Variants in ST8SIA5 observed in about 807,000 individuals in gnomAD.
ST8SIA5 encodes the protein ST8 alpha-N-acetyl-neuraminide alpha-2,8-sialyltransferase 5.
Under a neutral mutation model 40.2 loss-of-function variants are expected in ST8SIA5, and 24 were observed. The observed-to-expected ratio is 0.60, with a 90% CI of 0.43 to 0.84. The LOEUF (loss-of-function observed/expected upper bound fraction) is 0.84, where lower values mean the gene tolerates loss of function less well. ST8SIA5 is among the 40% of genes least tolerant of loss of function. The probability of loss-of-function intolerance (pLI) is 0.00; values close to 1 mark genes in which losing one functional copy is unlikely to be tolerated. For synonymous variants in ST8SIA5, 198 were observed against 201.8 expected, an observed-to-expected ratio of 0.98 and a Z score of 0.16; for missense variants, 465 against 498.5, an observed-to-expected ratio of 0.93 and a Z score of 0.64.
intron 1 of ST8SIA5, among the ~76,000 whole-genome samples, chr18:46,732,955 C>T (rs1193571328): frequency 1.3e-5 from 2 of 152,162 alleles, no homozygotes; most frequent in South Asian, 2.1e-4. Flanking sequence ...AGCTTGAGAT[C>T]GCTCTGTCCA....
At chr18:46,754,309 A>C (rs2040221650) in intron 1 of ST8SIA5, among the ~76,000 whole-genome samples, 2 of 151,910 alleles carry the variant, frequency 1.3e-5, no homozygotes, top group African/African-American at 4.8e-5. Flanking sequence ...CCCACCCTCA[A>C]ATCTTACCCT....
rs896726098 is a variant in ST8SIA5 at position 46,672,448 on chromosome 18, CAG to C, written c.*7592_*7593del. 5 of 152,126 alleles carry C rather than the reference CAG, an allele frequency of 3.3e-5. No homozygotes were observed. Among genetic ancestry groups the C allele is most frequent in the Non-Finnish European group, 7.4e-5 (5 of 68,020 alleles). The allele number at this position is 152,126 out of a possible 1,614,324, so 9.4% of individuals were successfully genotyped here. A position where few individuals can be genotyped will look rare whatever the true frequency, so the allele number is the denominator to read the frequency against. On this transcript the variant is annotated 3_prime_UTR_variant, in exon 7 of 7. Transcript: ENST00000315087. The stretch of plus-strand genomic sequence containing the variant: ...TTGCAAATGGCAATTCTAGAGAAAA[CAG>C]AACTTTTACCCCAAAGCTGAGCAGA...
intron 1 of ST8SIA5, among the ~76,000 whole-genome samples, chr18:46,736,216 C>T (rs575393735): frequency 1.2e-4 from 18 of 152,286 alleles, no homozygotes; most frequent in African/African-American, 3.4e-4. Context: ...GACAGCATGT[C>T]TCAACTCAGA....
At chr18:46,701,330 AG>A (rs2039614049) in intron 2 of ST8SIA5, among the ~76,000 whole-genome samples, 1 of 151,744 alleles carries the variant, frequency 6.6e-6, no homozygotes, top group Non-Finnish European at 1.5e-5. Flanking sequence ...TAGTAGAGAC[AG>A]GGTTTCACCA....
At chr18:46,739,482 T>A (rs2040067519) in intron 1 of ST8SIA5, among the ~76,000 whole-genome samples, 1 of 152,094 alleles carries the variant, frequency 6.6e-6, no homozygotes, top group African/African-American at 2.4e-5. Context: ...TGCAGTGAGC[T>A]GAGATAGCGC....
rs934511424 is a variant in ST8SIA5 at position 46,673,746 on chromosome 18, C to G, written c.*6296G>C. On this transcript the variant is annotated 3_prime_UTR_variant, in exon 7 of 7. Transcript: ENST00000315087. ...TCACACTGTAGATCTATCCAGTCTACCCTTTGAAGATCACACTGGTTTATT... is the reference window on the plus strand; with the variant it reads ...TCACACTGTAGATCTATCCAGTCTAGCCTTTGAAGATCACACTGGTTTATT... 5.3e-5 allele frequency: 8 copies of G among 152,094 alleles called. No individual in the cohort carries two copies. The highest frequency in any genetic ancestry group is 1.9e-4 in the African/African-American group (8 of 41,404). 9.4% of individuals were successfully genotyped at this position (152,094 alleles called of 1,614,324 possible). A position where few individuals can be genotyped will look rare whatever the true frequency, so the allele number is the denominator to read the frequency against.
intron 1 of ST8SIA5, among the ~76,000 whole-genome samples, chr18:46,724,350 C>G (rs1667198040): frequency 1.3e-5 from 2 of 152,236 alleles, no homozygotes; most frequent in Non-Finnish European, 2.9e-5. Flanking sequence ...AGACCCTGTT[C>G]TCATACTCTC....
chr18:46,679,435 G>C lies in ST8SIA5; in HGVS notation c.*607C>G, dbSNP rs780867783. The C allele has an allele frequency of 1.3e-5, 2 of 152,678 alleles. No individual in the cohort carries two copies. Among genetic ancestry groups the C allele is most frequent in the African/African-American group, 2.4e-5 (1 of 41,354 alleles). The allele number at this position is 152,678 out of a possible 1,614,324, so 9.5% of individuals were successfully genotyped here. A position where few individuals can be genotyped will look rare whatever the true frequency, so the allele number is the denominator to read the frequency against. ...TCTCGGTGTCACAGAAGAACCTGTC[G>C]GGTGGTGTGGCTTGGCTGTTAAGTC... On this transcript the variant is annotated 3_prime_UTR_variant, in exon 7 of 7. Transcript: ENST00000315087.
intron 5 of ST8SIA5, among the ~76,000 whole-genome samples, chr18:46,684,577 G>T (rs2039427571): frequency 6.6e-6 from 1 of 152,096 alleles, no homozygotes; most frequent in African/African-American, 2.4e-5. Flanking sequence ...CTCAAACCAG[G>T]CTCCCCAGCT....
At chr18:46,705,250 GGTC>G (rs1381867112) in intron 1 of ST8SIA5, among the ~76,000 whole-genome samples, 3 of 152,132 alleles carry the variant, frequency 2.0e-5, no homozygotes, top group Non-Finnish European at 4.4e-5. Context: ...GCTTGGTCTA[GGTC>G]TACTTGCAGA....
chr18:46,750,399 A>T (rs968671175), intron 1 of ST8SIA5, among the ~76,000 whole-genome samples: 1 of 152,170 alleles, frequency 6.6e-6, no homozygotes, highest in African/African-American at 2.4e-5. Flanking sequence ...TGGGGGACTT[A>T]AAAGAAGACG....
In ST8SIA5 at chr18:46,667,901, G is replaced by C. The variant is rs1305450195; in HGVS notation, c.*12141C>G. 1 of 152,190 alleles carries C rather than the reference G, an allele frequency of 6.6e-6. No individual in the cohort carries two copies. Among genetic ancestry groups the C allele is most frequent in the Non-Finnish European group, 1.5e-5 (1 of 68,034 alleles). 9.4% of individuals were successfully genotyped at this position (152,190 alleles called of 1,614,324 possible). ...AGTGACAGATACAAAGTACCCTGAT[G>C]ATGTTTTTAGGCATAGCATCACAGT... On this transcript the variant is annotated 3_prime_UTR_variant, in exon 7 of 7. Coordinates refer to ENST00000315087, the MANE Select transcript of ST8SIA5 (RefSeq NM_013305.6).
rs767476608 is a variant in ST8SIA5 at position 46,688,855 on chromosome 18, G to T, written c.376C>A (p.Leu126Met). ...FLFTTQKNTPLGTKLKYEVDT... is the reference protein window; with the variant it reads ...FLFTTQKNTPMGTKLKYEVDT... The stretch of plus-strand genomic sequence containing the variant: ...ACCTCATACTTGAGCTTTGTCCCCA[G>T]GGGAGTGTTCTTCTGGGTGGTGAAG... Residue 126 changes from leucine to methionine, a missense_variant, in exon 4 of 7, where the codon CTG (leucine) becomes ATG (methionine). Leu to Met is a conservative substitution (Grantham distance 15). Transcript: ENST00000315087. The T allele has an allele frequency of 1.2e-6, 2 of 1,614,154 alleles. No homozygotes were observed. Among genetic ancestry groups the T allele is most frequent in the African/African-American group, 1.3e-5 (1 of 75,060 alleles).
intron 1 of ST8SIA5, among the ~76,000 whole-genome samples, chr18:46,743,859 G>A (rs762041296): frequency 1.7e-4 from 26 of 152,304 alleles, no homozygotes; most frequent in Non-Finnish European, 2.4e-4. Context: ...AACTAACAGC[G>A]GATCTCTCAG....
At chr18:46,755,043 T>A (rs1405232588) in intron 1 of ST8SIA5, among the ~76,000 whole-genome samples, 5 of 152,140 alleles carry the variant, frequency 3.3e-5, no homozygotes, top group Non-Finnish European at 7.4e-5. Context: ...CAGACAGCAC[T>A]CAGGAGCTGC....
chr18:46,686,854 A>G (rs986561395), intron 4 of ST8SIA5, among the ~76,000 whole-genome samples: 2 of 151,886 alleles, frequency 1.3e-5, no homozygotes, highest in Non-Finnish European at 2.9e-5. Context: ...CAGAAAAATC[A>G]TCAAAAGTTT....
chr18:46,753,343 C>T (rs562172928), intron 1 of ST8SIA5, among the ~76,000 whole-genome samples: 10 of 152,190 alleles, frequency 6.6e-5, no homozygotes, highest in East Asian at 3.9e-4. Context: ...AAGGCCGAGG[C>T]GGGCGGATCA....
intron 1 of ST8SIA5, among the ~76,000 whole-genome samples, chr18:46,737,631 C>CTTCCCCT (rs1194298224): frequency 6.6e-6 from 1 of 152,182 alleles, no homozygotes; most frequent in African/African-American, 2.4e-5. Context: ...ACACATGTTA[C>CTTCCCCT]TTCCCCTCTC....
chr18:46,750,808 G>A (rs919791248), intron 1 of ST8SIA5, among the ~76,000 whole-genome samples: 1 of 152,006 alleles, frequency 6.6e-6, no homozygotes, highest in African/African-American at 2.4e-5. Flanking sequence ...TCTCCTTTGT[G>A]CCCAGACCCA....
Sources: gnomAD v4.1 joint callset for allele counts (sites outside exome capture counted in the v4.1 genomes callset) on GRCh38, gnomAD v4.1.1 for gene constraint, MANE v1.5 for transcripts, NCBI Gene and HGNC (gene_info 2026-07-23, HGNC 2026-07-21) for gene names.